The following MALRD1 variants were observed in gnomAD, a reference collection of about 807,000 sequenced individuals.
MALRD1 encodes MAM and LDL receptor class A domain containing 1, also known as MAM and LDL-receptor class A domain-containing protein 1.
Under a neutral mutation model 242.1 loss-of-function variants are expected in MALRD1, and 247 were observed. The ratio of observed to expected loss-of-function variants is 1.02; its 90% CI spans 0.92 to 1.13. The LOEUF (loss-of-function observed/expected upper bound fraction) is 1.13, where lower values mean the gene tolerates loss of function less well. Ranked by LOEUF, MALRD1 falls within the 50% of genes most tolerant of loss-of-function variation. The pLI is 0.00. For synonymous variants in MALRD1, 995 were observed against 866.6 expected, an observed-to-expected ratio of 1.15 and a Z score of -2.60; for missense variants, 2,989 against 2,533.1, an observed-to-expected ratio of 1.18 and a Z score of -3.86.
chr10:19,157,188 G>T (rs558637845), intron 12 of MALRD1, among the ~76,000 whole-genome samples: 2 of 151,890 alleles, frequency 1.3e-5, no homozygotes, highest in African/African-American at 2.4e-5. Context: ...CATAGCTAAG[G>T]TTCTCAGGAT....
intron 2 of MALRD1, among the ~76,000 whole-genome samples, chr10:19,083,225 T>A (rs1342902947): frequency 6.6e-6 from 1 of 152,018 alleles, no homozygotes; most frequent in Non-Finnish European, 1.5e-5. Flanking sequence ...TGAGGGATTC[T>A]GTGTGTATGT....
chr10:19,699,086 A>G (rs943838803), intron 38 of MALRD1, among the ~76,000 whole-genome samples: 2 of 152,076 alleles, frequency 1.3e-5, no homozygotes, highest in Non-Finnish European at 1.5e-5. Flanking sequence ...CAAATACCTA[A>G]TGCCTGCAAG....
At chr10:19,505,434 C>T (rs1833078326) in intron 31 of MALRD1, among the ~76,000 whole-genome samples, 1 of 152,064 alleles carries the variant, frequency 6.6e-6, no homozygotes, top group Non-Finnish European at 1.5e-5. Flanking sequence ...TCTTCAAGTA[C>T]AGAGGAAAGG....
chr10:19,475,621 C>G (rs952194435), intron 29 of MALRD1, among the ~76,000 whole-genome samples: 1 of 151,996 alleles, frequency 6.6e-6, no homozygotes, highest in Non-Finnish European at 1.5e-5. Context: ...TTATACATTC[C>G]CTAAATCTAA....
chr10:19,146,626 G>C (rs1280355618), intron 11 of MALRD1, among the ~76,000 whole-genome samples: 1 of 152,148 alleles, frequency 6.6e-6, no homozygotes, highest in Non-Finnish European at 1.5e-5. Flanking sequence ...AAGTTGCCCA[G>C]AATCAAGTAC....
rs148066660 is a variant in MALRD1 at position 19,498,743 on chromosome 10, T to A, written c.5320+97T>A. The A allele has an allele frequency of 1.5e-3, 2,046 of 1,374,138 alleles. 32 individuals are homozygous for A. The Admixed American group carries it at 0.028, about 19-fold the overall frequency. The allele number at this position is 1,374,138 out of a possible 1,614,324, so 85.1% of individuals were successfully genotyped here. A position where few individuals can be genotyped will look rare whatever the true frequency, so the allele number is the denominator to read the frequency against. On this transcript the variant is annotated intron_variant, in intron 31 of 39. Transcript: ENST00000454679. ...TTTCAGTGTGCATTTCTTATGTGTA[T>A]GTGGGGACAGAGCTCAGTAGGTTTT...
chr10:19,569,778 A>G (rs1003599876), intron 33 of MALRD1, among the ~76,000 whole-genome samples: 4 of 147,070 alleles, frequency 2.7e-5, no homozygotes, highest in Admixed American at 6.9e-5. Context: ...ATATATAATT[A>G]TATATATACT....
At chr10:19,674,022 A>G (rs1842039693) in intron 36 of MALRD1, among the ~76,000 whole-genome samples, 1 of 152,140 alleles carries the variant, frequency 6.6e-6, no homozygotes, top group African/African-American at 2.4e-5. Context: ...TGGGGAAGAG[A>G]TGATGGCAGT....
At chr10:19,694,820 G>C (rs576881423) in intron 38 of MALRD1, among the ~76,000 whole-genome samples, 16 of 152,214 alleles carry the variant, frequency 1.1e-4, no homozygotes, top group South Asian at 2.1e-4. Flanking sequence ...TTGGAACCAA[G>C]CCAAATGTCC....
chr10:19,655,252 A>T (rs577766458), intron 36 of MALRD1, among the ~76,000 whole-genome samples: 2 of 151,884 alleles, frequency 1.3e-5, no homozygotes, highest in African/African-American at 4.8e-5. Flanking sequence ...CAAATTGGAG[A>T]CTTTTTAAAT....
chr10:19,065,406 A>G (rs1177297680), intron 1 of MALRD1, among the ~76,000 whole-genome samples: 1 of 151,998 alleles, frequency 6.6e-6, no homozygotes, highest in African/African-American at 2.4e-5. Context: ...GCATTTGGAA[A>G]CTGTCATGGC....
intron 1 of MALRD1, among the ~76,000 whole-genome samples, chr10:19,049,847 C>T (rs934485014): frequency 2.6e-5 from 4 of 152,162 alleles, no homozygotes; most frequent in African/African-American, 9.7e-5. Flanking sequence ...CAAGGGAAGA[C>T]GTGTGTAATG....
At chr10:19,377,107 A>C (rs982992073) in intron 26 of MALRD1, among the ~76,000 whole-genome samples, 7 of 152,198 alleles carry the variant, frequency 4.6e-5, no homozygotes, top group Non-Finnish European at 8.8e-5. Context: ...TATCATGCTG[A>C]GGCATAAATA....
chr10:19,162,629 A>G (rs1271623316), intron 12 of MALRD1, among the ~76,000 whole-genome samples: 1 of 152,170 alleles, frequency 6.6e-6, no homozygotes, highest in Non-Finnish European at 1.5e-5. Context: ...ATCTCACACC[A>G]GTCAGAATGG....
Position 19,387,463 on chromosome 10 carries a change from T to C in MALRD1, c.4442-65T>C, listed in dbSNP as rs1833040683. On this transcript the variant is annotated intron_variant, in intron 26 of 39. Coordinates refer to ENST00000454679, the MANE Select transcript of MALRD1 (RefSeq NM_001142308.3). The stretch of plus-strand genomic sequence containing the variant: ...ATTAAAATGAATCCACTCTTACTGC[T>C]TTTTGACCTCACTGAATGTGTTAGG... The C allele has an allele frequency of 2.7e-6, 4 of 1,490,526 alleles. No homozygotes were observed. In the Admixed American group the frequency reaches 9.2e-5, roughly 34 times the overall value. The allele number at this position is 1,490,526 out of a possible 1,614,324, so 92.3% of individuals were successfully genotyped here. A position where few individuals can be genotyped will look rare whatever the true frequency, so the allele number is the denominator to read the frequency against.
chr10:19,522,220 C>A (rs77728156), intron 31 of MALRD1, among the ~76,000 whole-genome samples: 1 of 152,068 alleles, frequency 6.6e-6, no homozygotes, highest in Non-Finnish European at 1.5e-5. Context: ...TGTTCTTCTT[C>A]TACAAACTGA....
intron 1 of MALRD1, among the ~76,000 whole-genome samples, chr10:19,049,422 C>A (rs538992665): frequency 2.4e-4 from 36 of 152,056 alleles, no homozygotes; most frequent in African/African-American, 8.5e-4. Flanking sequence ...TTTAATGTTA[C>A]GTGAGTGAAA....
Position 19,696,528 on chromosome 10 carries a change from C to T in MALRD1, c.6314+3974C>T, listed in dbSNP as rs185245727. Among the ~76,000 whole-genome samples the T allele has an allele frequency of 2.6e-5, 4 of 152,090 alleles. No individual in the cohort carries two copies. The East Asian group carries it at 5.8e-4, about 22-fold the overall frequency. On this transcript the variant is annotated intron_variant, in intron 38 of 39. Transcript: ENST00000454679. ...GCCTGCAGTCATGTGAATAAGCAGA[C>T]AGCTATCTTGATAACAGCAATTATA...
intron 28 of MALRD1, among the ~76,000 whole-genome samples, chr10:19,402,430 C>T (rs1359609359): frequency 6.6e-6 from 1 of 152,044 alleles, no homozygotes. Flanking sequence ...TCAGGAGATC[C>T]AGTGGTTTTA....
Sources: allele counts gnomAD v4.1 joint callset (sites outside exome capture counted in the v4.1 genomes callset), GRCh38; gene constraint gnomAD v4.1.1; transcripts MANE v1.5; gene names NCBI Gene and HGNC (gene_info 2026-07-23, HGNC 2026-07-21).